The following ENAH variants were observed in gnomAD, a reference collection of about 807,000 sequenced individuals.
ENAH encodes ENAH actin regulator.
Under a neutral mutation model 78.7 loss-of-function variants are expected in ENAH, and 23 were observed. The observed-to-expected ratio is 0.29, with a 90% CI of 0.21 to 0.41. ENAH has a LOEUF of 0.41. ENAH is among the 10% of genes least tolerant of loss of function. The pLI is 1.00. For missense variants in ENAH, 544 were observed against 691.0 expected (o/e 0.79, Z 2.39); for synonymous variants, 226 against 241.0 (o/e 0.94, Z 0.58).
chr1:225,614,215 T>C (rs60271197), intron 1 of ENAH, among the ~76,000 whole-genome samples: 11,754 of 152,048 alleles, frequency 0.077, 1,522 homozygotes, highest in African/African-American at 0.27. Flanking sequence ...CCCACCACCA[T>C]GCACAGCTAA....
chr1:225,530,165 T>C (rs980177422), intron 4 of ENAH, among the ~76,000 whole-genome samples: 3 of 152,204 alleles, frequency 2.0e-5, no homozygotes, highest in African/African-American at 7.2e-5. Flanking sequence ...ATCAATGTGT[T>C]ACAGAAACAG....
intron 4 of ENAH, 24 bp downstream of exon 4, chr1:225,530,530 A>G (rs1236129911): frequency 6.3e-7 from 1 of 1,575,280 alleles, no homozygotes; most frequent in Non-Finnish European, 8.7e-7. Context: ...AAGAAAAAGT[A>G]CAAACAATAA....
chr1:225,541,052 T>C (rs1405912621), intron 3 of ENAH, among the ~76,000 whole-genome samples: 1 of 152,122 alleles, frequency 6.6e-6, no homozygotes, highest in East Asian at 1.9e-4. Flanking sequence ...ATTATGTTAG[T>C]AGTTGCCAGA....
intron 1 of ENAH, among the ~76,000 whole-genome samples, chr1:225,588,198 G>A (rs901799792): frequency 2.0e-5 from 3 of 151,990 alleles, no homozygotes; most frequent in Non-Finnish European, 2.9e-5. Flanking sequence ...AGAGGGAGGA[G>A]GGGAAAAGGG....
chr1:225,570,414 A>AT (rs1046010054), intron 1 of ENAH, among the ~76,000 whole-genome samples: 1 of 150,720 alleles, frequency 6.6e-6, no homozygotes, highest in African/African-American at 2.4e-5. Flanking sequence ...GTTTTTCAGT[A>AT]TTTTTTCCAG....
intron 3 of ENAH, among the ~76,000 whole-genome samples, chr1:225,546,634 C>A (rs954726046): frequency 6.6e-6 from 1 of 152,118 alleles, no homozygotes. Flanking sequence ...GCTAAGGAAG[C>A]GGCTGAAAAT....
At chr1:225,531,074 G>GGA (rs753699843) in intron 3 of ENAH, 33 of 398,148 alleles carry the variant, frequency 8.3e-5, no homozygotes, top group Middle Eastern at 6.2e-4. Flanking sequence ...ATGAAAAACA[G>GGA]GAGAGAGAGA....
intron 2 of ENAH, among the ~76,000 whole-genome samples, chr1:225,559,454 T>A (rs965015067): frequency 1.3e-5 from 2 of 152,290 alleles, no homozygotes; most frequent in East Asian, 3.9e-4. Flanking sequence ...CTTACAGACC[T>A]TTTTTTCTGA....
chr1:225,532,655 G>T (rs1444415513), intron 3 of ENAH, among the ~76,000 whole-genome samples: 1 of 152,016 alleles, frequency 6.6e-6, no homozygotes, highest in East Asian at 1.9e-4. Flanking sequence ...ACTAACACAA[G>T]TTTAATGTAA....
intron 1 of ENAH, among the ~76,000 whole-genome samples, chr1:225,571,964 T>G (rs367691370): frequency 6.6e-6 from 1 of 152,064 alleles, no homozygotes; most frequent in Admixed American, 6.5e-5. Context: ...TTTCCTGAGT[T>G]TTGGGAATCA....
intron 1 of ENAH, among the ~76,000 whole-genome samples, chr1:225,597,681 C>G (rs1481678628): frequency 2.0e-5 from 3 of 146,908 alleles, no homozygotes. Context: ...AAAAAAGACG[C>G]TAAAGAGATG....
rs35457889 is a variant in ENAH at position 225,581,855 on chromosome 1, A to ATT, written c.6-14443_6-14442dup. Among the ~76,000 whole-genome samples, 140 of 143,420 alleles carry ATT rather than the reference A, an allele frequency of 9.8e-4. 1 individual carries two copies. The highest frequency in any genetic ancestry group is 3.5e-3 in the African/African-American group (134 of 38,784). The allele number at this position is 143,420 out of a possible 152,430, so 94.1% of individuals were successfully genotyped here. On this transcript the variant is annotated intron_variant, in intron 1 of 13. Coordinates refer to ENST00000366843, the MANE Select transcript of ENAH (RefSeq NM_018212.6). ...AGGCACGCACCACCACACCCAGCTA[A>ATT]TTTTTTTTTTTTTTTTTAATTTTTG...
chr1:225,527,898 G>T (rs1461709410), intron 4 of ENAH, among the ~76,000 whole-genome samples: 3 of 152,134 alleles, frequency 2.0e-5, no homozygotes, highest in African/African-American at 7.2e-5. Flanking sequence ...TAGGCAGCAA[G>T]AAAAGAGTGT....
rs528896910 is a variant in ENAH, at chr1:225,651,645, A to G, written c.5+1041T>C. Among the ~76,000 whole-genome samples the G allele has an allele frequency of 3.9e-5, 6 of 152,316 alleles. No homozygotes were observed. The South Asian group carries it at 1.0e-3, about 26-fold the overall frequency. On this transcript the variant is annotated intron_variant, in intron 1 of 13. Coordinates refer to ENST00000366843, the MANE Select transcript of ENAH (RefSeq NM_018212.6). ...AAATGGAGTAATTTACTTTATCCAC[A>G]ATTGTTTAACCCAAAAGGAAGGCCT...
rs1363035615 is a variant in ENAH at position 225,488,157 on chromosome 1, GTTT to G, written c.*9615_*9617del. The G allele has an allele frequency of 2.0e-5, 3 of 150,950 alleles. No individual in the cohort carries two copies. The highest frequency in any genetic ancestry group is 4.8e-5 in the African/African-American group (2 of 41,238). 9.4% of individuals were successfully genotyped at this position (150,950 alleles called of 1,614,324 possible). On this transcript the variant is annotated 3_prime_UTR_variant, in exon 14 of 14. Coordinates refer to ENST00000366843, the MANE Select transcript of ENAH (RefSeq NM_018212.6). ...AGACAGCACAATAGTCAAGGACAAG[GTTT>G]TTATTTATTTATTTATTTATTATTT... is the stretch of plus-strand genomic sequence containing the variant.
chr1:225,586,756 T>C (rs1314483501), intron 1 of ENAH, among the ~76,000 whole-genome samples: 1 of 152,088 alleles, frequency 6.6e-6, no homozygotes, highest in East Asian at 1.9e-4. Flanking sequence ...CCGAGCATGG[T>C]GGCTCACCCG....
At position 225,544,269 on chromosome 1, in the gene ENAH, G is replaced by C. The variant is rs140862537; in HGVS notation, c.349+10637C>G. 8.9e-3 allele frequency among the ~76,000 whole-genome samples: 1,352 copies of C among 152,256 alleles called. 17 individuals are homozygous for C. The highest frequency in any genetic ancestry group is 0.031 in the African/African-American group (1,273 of 41,550). On this transcript the variant is annotated intron_variant, in intron 3 of 13. Transcript: ENST00000366843. The stretch of plus-strand genomic sequence containing the variant: ...TAAAGGATAAAAATTCATGAATAAA[G>C]ATAAAGTAATTACATGCAAATTACT...
intron 1 of ENAH, chr1:225,652,179 T>A (rs754014656): frequency 2.1e-5 from 5 of 238,300 alleles, no homozygotes; most frequent in Admixed American, 6.5e-5. Context: ...CTTTCACAGC[T>A]CCTTCACCTA....
intron 1 of ENAH, among the ~76,000 whole-genome samples, chr1:225,607,025 G>A (rs1181680484): frequency 4.0e-5 from 6 of 151,816 alleles, no homozygotes; most frequent in Admixed American, 1.3e-4. Context: ...CCTTTTCCTC[G>A]GCAGAGTGGA....
Sources: gnomAD v4.1 joint callset for allele counts (sites outside exome capture counted in the v4.1 genomes callset) on GRCh38, gnomAD v4.1.1 for gene constraint, MANE v1.5 for transcripts, NCBI Gene and HGNC (gene_info 2026-07-23, HGNC 2026-07-21) for gene names.